Variants in ALKBH5 observed in about 807,000 individuals in gnomAD.
ALKBH5 encodes the protein alkB homolog 5, RNA demethylase.
Under a neutral mutation model 32.1 loss-of-function variants are expected in ALKBH5, and 2 were observed. That is an observed-to-expected ratio of 0.06 (90% CI 0.03 to 0.20). The LOEUF (loss-of-function observed/expected upper bound fraction) is 0.20, where lower values mean the gene tolerates loss of function less well. Among genes scored for constraint, ALKBH5 ranks in the 10% least tolerant of loss-of-function variants. ALKBH5 has a pLI of 1.00. For synonymous variants in ALKBH5, 300 were observed against 231.7 expected (o/e 1.29, Z -2.68); for missense variants, 352 against 559.5 (o/e 0.63, Z 3.74).
intron 2 of ALKBH5, among the ~76,000 whole-genome samples, chr17:18,204,060 C>T (rs2047256382): frequency 6.6e-6 from 1 of 152,166 alleles, no homozygotes; most frequent in Admixed American, 6.5e-5. Context: ...CAATGAGGCC[C>T]TTAGAGTCCT....
At chr17:18,195,735 T>C (rs558037099) in intron 2 of ALKBH5, among the ~76,000 whole-genome samples, 20 of 152,326 alleles carry the variant, frequency 1.3e-4, no homozygotes, top group South Asian at 6.2e-4. Flanking sequence ...AGTCCTGGAC[T>C]CAAGCTCTCT....
At chr17:18,187,665 G>C (rs2047147540) in intron 1 of ALKBH5, among the ~76,000 whole-genome samples, 1 of 152,150 alleles carries the variant, frequency 6.6e-6, no homozygotes, top group Admixed American at 6.5e-5. Flanking sequence ...AGCTTACCTT[G>C]GTATGCAGGT....
chr17:18,200,245 T>C (rs2047228744), intron 2 of ALKBH5, among the ~76,000 whole-genome samples: 1 of 150,598 alleles, frequency 6.6e-6, no homozygotes, highest in Non-Finnish European at 1.5e-5. Context: ...GGCAGGGAAA[T>C]ATAGGGGACT....
intron 2 of ALKBH5, among the ~76,000 whole-genome samples, chr17:18,201,781 AGATAGGAT>A (rs2047238600): frequency 2.8e-5 from 3 of 106,136 alleles, no homozygotes; most frequent in Non-Finnish European, 6.2e-5. Context: ...ATAGATAGAT[AGATAGGAT>A]AGATAAGATA....
At chr17:18,192,619 C>T (rs779868191) in intron 1 of ALKBH5, among the ~76,000 whole-genome samples, 2 of 152,148 alleles carry the variant, frequency 1.3e-5, no homozygotes, top group Admixed American at 6.5e-5. Flanking sequence ...GGAGACAAAG[C>T]TCACATTTGA....
At chr17:18,193,637 T>A (rs2047190469) in intron 1 of ALKBH5, among the ~76,000 whole-genome samples, 1 of 152,250 alleles carries the variant, frequency 6.6e-6, no homozygotes, top group Admixed American at 6.5e-5. Context: ...TCCTTAAGGC[T>A]GAGCCTGAAG....
chr17:18,208,598 T>A lies in ALKBH5; in HGVS notation c.*202T>A, dbSNP rs2047285379. 1 of 699,876 alleles carries A rather than the reference T, an allele frequency of 1.4e-6. No individual in the cohort carries two copies. Among genetic ancestry groups the A allele is most frequent in the Non-Finnish European group, 2.5e-6 (1 of 398,064 alleles). The allele number at this position is 699,876 out of a possible 1,614,324, so 43.4% of individuals were successfully genotyped here. ...GCCAGGACCTAGGTTCTCATATTCT[T>A]GGTATTCCTCCTGGATGGAAAGGCT... On this transcript the variant is annotated 3_prime_UTR_variant, in exon 4 of 4. Coordinates refer to ENST00000399138, the MANE Select transcript of ALKBH5 (RefSeq NM_017758.4).
chr17:18,196,779 G>C (rs544026085), intron 2 of ALKBH5, among the ~76,000 whole-genome samples: 17 of 152,326 alleles, frequency 1.1e-4, no homozygotes, highest in Middle Eastern at 3.4e-3. Context: ...CACAGTTAAA[G>C]AGTGTGGGAG....
At chr17:18,196,944 CA>C (rs1355898972) in intron 2 of ALKBH5, among the ~76,000 whole-genome samples, 3 of 152,170 alleles carry the variant, frequency 2.0e-5, no homozygotes, top group Non-Finnish European at 4.4e-5. Context: ...ATTTTATGCT[CA>C]AATTCTTCCA....
intron 2 of ALKBH5, among the ~76,000 whole-genome samples, chr17:18,196,820 A>G (rs1197641419): frequency 6.6e-6 from 1 of 152,226 alleles, no homozygotes; most frequent in Non-Finnish European, 1.5e-5. Flanking sequence ...GGGAGCATGC[A>G]GGTGAATTAC....
chr17:18,199,920 C>G (rs952953844), intron 2 of ALKBH5, among the ~76,000 whole-genome samples: 1 of 151,990 alleles, frequency 6.6e-6, no homozygotes, highest in Middle Eastern at 3.4e-3. Context: ...GCCTGACTAA[C>G]GTGATGAAAA....
chr17:18,193,892 G>A (rs1156701034), intron 1 of ALKBH5, among the ~76,000 whole-genome samples: 1 of 152,150 alleles, frequency 6.6e-6, no homozygotes, highest in African/African-American at 2.4e-5. Context: ...TGAGTTTCTG[G>A]GTGTGTAGAA....
In ALKBH5 at chr17:18,184,099, G is replaced by A; in HGVS notation, c.-145G>A. 1 of 752,596 alleles carries A rather than the reference G, an allele frequency of 1.3e-6. No homozygotes were observed. Among genetic ancestry groups the A allele is most frequent in the Non-Finnish European group, 2.2e-6 (1 of 453,058 alleles). The allele number at this position is 752,596 out of a possible 1,614,324, so 46.6% of individuals were successfully genotyped here. A position where few individuals can be genotyped will look rare whatever the true frequency, so the allele number is the denominator to read the frequency against. On this transcript the variant is annotated 5_prime_UTR_variant, in exon 1 of 4. Coordinates refer to ENST00000399138, the MANE Select transcript of ALKBH5 (RefSeq NM_017758.4). The stretch of plus-strand genomic sequence containing the variant: ...CCTACCCCACGCCCGGACCCTCGAC[G>A]CCCCCCGCCGGGTCCCCCACTCACG...
chr17:18,188,202 G>T (rs949090752), intron 1 of ALKBH5, among the ~76,000 whole-genome samples: 1 of 152,230 alleles, frequency 6.6e-6, no homozygotes, highest in Non-Finnish European at 1.5e-5. Flanking sequence ...CCTGTTGGCT[G>T]CATGGGGCAG....
Position 18,184,906 on chromosome 17 carries a change from T to C in ALKBH5, c.663T>C (p.Phe221=), listed in dbSNP as rs747697644. The change falls in exon 1 of 4, where the codon TTT becomes TTC. Residue 221 remains phenylalanine (F), a synonymous_variant. Coordinates refer to ENST00000399138, the MANE Select transcript of ALKBH5 (RefSeq NM_017758.4). The stretch of plus-strand genomic sequence containing the variant: ...GCCCCATCGTGTCCGTGTCCTTCTT[T>C]AGCGACTCTGCGCTGTGCTTCGGCT... ...FERPIVSVSF[F]SDSALCFGCK... is the part of the protein sequence containing the mutation. 3.1e-5 allele frequency: 50 copies of C among 1,614,216 alleles called. No homozygotes were observed. The South Asian group carries it at 4.2e-4, about 13-fold the overall frequency.
rs757248624 is a variant in ALKBH5, at chr17:18,184,864, C to T, written c.621C>T (p.Pro207=). ...GCTGCATCGTGTCTCACGTGGACCC[C>T]ATCCACATCTTCGAGCGCCCCATCG... ...PGGCIVSHVD[P]IHIFERPIVS... The change falls in exon 1 of 4, where the codon CCC becomes CCT. Residue 207 remains proline, a synonymous_variant. Transcript: ENST00000399138. 5 of 1,614,124 alleles carry T rather than the reference C, an allele frequency of 3.1e-6. No homozygotes were observed. In the East Asian group the frequency reaches 8.9e-5, roughly 29 times the overall value.
At chr17:18,200,752 C>A (rs1248766604) in intron 2 of ALKBH5, among the ~76,000 whole-genome samples, 1 of 152,172 alleles carries the variant, frequency 6.6e-6, no homozygotes, top group Non-Finnish European at 1.5e-5. Flanking sequence ...TAGAATGAGG[C>A]TCAGGGGCAA....
At chr17:18,198,557 C>G (rs2047217848) in intron 2 of ALKBH5, among the ~76,000 whole-genome samples, 1 of 152,166 alleles carries the variant, frequency 6.6e-6, no homozygotes, top group African/African-American at 2.4e-5. Flanking sequence ...TGGGTAGAAT[C>G]TGGGCATTGA....
At position 18,184,804 on chromosome 17, in the gene ALKBH5, C is replaced by T; in HGVS notation, c.561C>T (p.Val187=). ...VEHRVIPEGF[V]NSAVINDYQP... ...ACCGCGTCATCCCCGAGGGCTTCGT[C>T]AACAGCGCCGTCATCAACGACTACC... The change falls in exon 1 of 4, where the codon GTC becomes GTT. Residue 187 remains valine (V), a synonymous_variant. Coordinates refer to ENST00000399138, the MANE Select transcript of ALKBH5 (RefSeq NM_017758.4). The T allele has an allele frequency of 6.2e-7, 1 of 1,614,104 alleles. No individual in the cohort carries two copies. Among genetic ancestry groups the T allele is most frequent in the Non-Finnish European group, 8.5e-7 (1 of 1,180,002 alleles).
Sources: gnomAD v4.1 joint callset for allele counts (sites outside exome capture counted in the v4.1 genomes callset) on GRCh38, gnomAD v4.1.1 for gene constraint, MANE v1.5 for transcripts, NCBI Gene and HGNC (gene_info 2026-07-23, HGNC 2026-07-21) for gene names.